Variants in UNC79 observed in about 807,000 individuals in gnomAD.
The protein encoded by UNC79 is protein unc-79 homolog.
In UNC79, 37 loss-of-function variants were observed where a neutral mutation model predicts 283.1. The ratio of observed to expected loss-of-function variants is 0.13; its 90% CI spans 0.10 to 0.17. The LOEUF (loss-of-function observed/expected upper bound fraction) is 0.17, where lower values mean the gene tolerates loss of function less well. UNC79 is among the 10% of genes least tolerant of loss of function. The pLI is 1.00. For synonymous variants in UNC79, 1,107 were observed against 1,200.2 expected (o/e 0.92, Z 1.61); for missense variants, 2,272 against 3,211.1 (o/e 0.71, Z 7.07).
intron 14 of UNC79, among the ~76,000 whole-genome samples, chr14:93,550,019 A>G (rs1036456842): frequency 1.3e-5 from 2 of 152,348 alleles, no homozygotes; most frequent in Admixed American, 1.3e-4. Flanking sequence ...GTATTTAAGC[A>G]AAAAGCTGGA....
At chr14:93,698,505 A>G (rs1434053400) in intron 47 of UNC79, among the ~76,000 whole-genome samples, 1 of 12,696 alleles carries the variant, frequency 7.9e-5, no homozygotes, top group African/African-American at 1.8e-4. Context: ...TTTTTTTTTG[A>G]GATCAGGTCT....
At chr14:93,541,488 T>C (rs557119963) in intron 13 of UNC79, among the ~76,000 whole-genome samples, 2 of 152,332 alleles carry the variant, frequency 1.3e-5, no homozygotes, top group African/African-American at 4.8e-5. Flanking sequence ...ATCTCTATTG[T>C]GCTTGCATAT....
In UNC79 at chr14:93,597,555, G is replaced by A. The variant is rs1210030621; in HGVS notation, c.3372+15G>A. The A allele has an allele frequency of 1.2e-6, 2 of 1,606,702 alleles. No homozygotes were observed. Among genetic ancestry groups the A allele is most frequent in the Admixed American group, 1.7e-5 (1 of 59,052 alleles). On this transcript the variant is annotated intron_variant, in intron 24 of 48. Transcript: ENST00000555664. ...CAGCATTGCAGGTGACATGTGATTTGTGTTATCTGCTCCGAAGGTGGTTTG... is the reference window on the plus strand; with the variant it reads ...CAGCATTGCAGGTGACATGTGATTTATGTTATCTGCTCCGAAGGTGGTTTG...
intron 1 of UNC79, among the ~76,000 whole-genome samples, chr14:93,343,376 T>G (rs1486545703): frequency 6.6e-6 from 1 of 152,240 alleles, no homozygotes; most frequent in Non-Finnish European, 1.5e-5. Context: ...CCAAGTGTGT[T>G]ACTGATGTTG....
rs147731690 is a variant in UNC79 at position 93,386,795 on chromosome 14, A to G, written c.-351+53272A>G. ...TCCTTTTTCATCTCCAATTTTATTTATTTGGGTCTTCTCTCTTTTTTTCTT... is the reference window on the plus strand; with the variant it reads ...TCCTTTTTCATCTCCAATTTTATTTGTTTGGGTCTTCTCTCTTTTTTTCTT... On this transcript the variant is annotated intron_variant, in intron 1 of 49. Coordinates refer to the UNC79 transcript ENST00000256339. Among the ~76,000 whole-genome samples, 587 of 150,778 alleles carry G rather than the reference A, an allele frequency of 3.9e-3. 3 individuals carry two copies. Among genetic ancestry groups the G allele is most frequent in the African/African-American group, 0.014 (562 of 41,036 alleles).
rs1595058290 is a variant in UNC79 at position 93,683,483 on chromosome 14, T to C, written c.6819+789T>C. ...CAACTGCAAGGGATGATGGGAAATG[T>C]GGTCTAGTTGTGGGCCAAGGAAGAA... On this transcript the variant is annotated intron_variant, in intron 42 of 48. Coordinates refer to ENST00000555664, the Ensembl canonical transcript of UNC79. Among the ~76,000 whole-genome samples, 6 of 152,284 alleles carry C rather than the reference T, an allele frequency of 3.9e-5. No homozygotes were observed. In the South Asian group the frequency reaches 1.0e-3, roughly 26 times the overall value.
chr14:93,577,698 G>T, intron 17 of UNC79, 144 bp from the exon 18 acceptor site: 1 of 741,464 alleles, frequency 1.3e-6, no homozygotes, highest in Non-Finnish European at 2.2e-6. Context: ...AGAATCCTTA[G>T]TATTTGGAGG....
At chr14:93,495,979 T>C (rs752683600) in intron 5 of UNC79, among the ~76,000 whole-genome samples, 2 of 152,348 alleles carry the variant, frequency 1.3e-5, no homozygotes, top group Non-Finnish European at 2.9e-5. Context: ...AAACTGAGGC[T>C]TAGTTTCCTA....
intron 1 of UNC79, among the ~76,000 whole-genome samples, chr14:93,422,955 C>G (rs113791163): frequency 6.8e-4 from 101 of 149,090 alleles, no homozygotes; most frequent in Non-Finnish European, 1.3e-3. Flanking sequence ...CCCAGCTACT[C>G]AGGAGGTTGA....
intron 1 of UNC79, among the ~76,000 whole-genome samples, chr14:93,411,057 C>G (rs2055326208): frequency 6.6e-6 from 1 of 152,098 alleles, no homozygotes; most frequent in Admixed American, 6.6e-5. Context: ...TTGGGTCTAC[C>G]CTGAGTCAGA....
At chr14:93,683,886 A>G (rs1360226587) in intron 42 of UNC79, among the ~76,000 whole-genome samples, 1 of 151,860 alleles carries the variant, frequency 6.6e-6, no homozygotes, top group Non-Finnish European at 1.5e-5. Flanking sequence ...CATGAAGGAC[A>G]TATAGGAAGC....
chr14:93,362,892 A>G (rs2054254756), intron 1 of UNC79, among the ~76,000 whole-genome samples: 1 of 151,460 alleles, frequency 6.6e-6, no homozygotes, highest in African/African-American at 2.4e-5. Context: ...TTATTTTTCT[A>G]GTTAGTGGTC....
chr14:93,614,493 A>G (rs1022817441), intron 27 of UNC79, among the ~76,000 whole-genome samples: 3 of 151,594 alleles, frequency 2.0e-5, no homozygotes, highest in Non-Finnish European at 4.4e-5. Flanking sequence ...ATTTTTTTGT[A>G]TTTTTAGTAG....
chr14:93,408,387 C>T (rs1184243934), intron 1 of UNC79, among the ~76,000 whole-genome samples: 1 of 152,158 alleles, frequency 6.6e-6, no homozygotes, highest in African/African-American at 2.4e-5. Context: ...AAACTATGGA[C>T]TTTAGTTAAT....
At chr14:93,401,210 G>A (rs1175242787) in intron 1 of UNC79, among the ~76,000 whole-genome samples, 1 of 152,176 alleles carries the variant, frequency 6.6e-6, no homozygotes, top group African/African-American at 2.4e-5. Flanking sequence ...AAGCACAGGA[G>A]TAGATAAAAT....
At chr14:93,538,003 C>T (rs761016692) in exon 12 of UNC79, 17 of 1,612,708 alleles carry the variant, frequency 1.1e-5, no homozygotes, top group Middle Eastern at 1.6e-4. Flanking sequence ...GCAGTTCCCA[C>T]GTTAGAAGAG....
intron 33 of UNC79, among the ~76,000 whole-genome samples, chr14:93,641,667 A>AACAAT (rs1407742592): frequency 3.3e-5 from 5 of 152,102 alleles, no homozygotes; most frequent in Admixed American, 6.5e-5. Context: ...AACAAAACAA[A>AACAAT]ACAAAGCACT....
intron 2 of UNC79, among the ~76,000 whole-genome samples, chr14:93,471,624 A>G (rs921513847): frequency 3.3e-5 from 5 of 152,078 alleles, no homozygotes; most frequent in Non-Finnish European, 1.5e-5. Context: ...TAAAATCACA[A>G]TGCATTGTAC....
chr14:93,461,328 T>G (rs978513729), intron 1 of UNC79, among the ~76,000 whole-genome samples: 6 of 152,218 alleles, frequency 3.9e-5, no homozygotes, highest in Admixed American at 2.6e-4. Flanking sequence ...GATTTAAAAC[T>G]TACGTTTTAT....
Sources: allele counts gnomAD v4.1 joint callset (sites outside exome capture counted in the v4.1 genomes callset), GRCh38; gene constraint gnomAD v4.1.1; transcripts MANE v1.5; gene names NCBI Gene and HGNC (gene_info 2026-07-23, HGNC 2026-07-21).